SPINK5: variants seen among roughly 807,000 people sequenced by gnomAD.
SPINK5 encodes serine protease inhibitor Kazal-type 5.
SPINK5 carries 125 observed loss-of-function variants against 151.8 expected under a neutral mutation model. The ratio of observed to expected loss-of-function variants is 0.82; its 90% CI spans 0.71 to 0.96. The LOEUF (loss-of-function observed/expected upper bound fraction) is 0.96, where lower values mean the gene tolerates loss of function less well. SPINK5 is among the 40% of genes least tolerant of loss of function. The pLI is 0.00. For missense variants in SPINK5, 1,194 were observed against 1,291.9 expected (o/e 0.92, Z 1.16); for synonymous variants, 374 against 395.3 (o/e 0.95, Z 0.64).
intron 5 of SPINK5, among the ~76,000 whole-genome samples, chr5:148,087,036 C>G (rs1382702739): frequency 6.6e-6 from 1 of 151,328 alleles, no homozygotes; most frequent in Non-Finnish European, 1.5e-5. Context: ...TATCCATCAT[C>G]TATTATCTAT....
At chr5:148,096,923 T>G (rs1753484749) in intron 10 of SPINK5, among the ~76,000 whole-genome samples, 1 of 151,670 alleles carries the variant, frequency 6.6e-6, no homozygotes, top group South Asian at 2.1e-4. Context: ...TACACATAGC[T>G]TAAGCCTCAT....
rs71001472 is a variant in SPINK5, at chr5:148,077,637, G to GTATATATATATATATATATATA, written c.282+5419_282+5440dup. On this transcript the variant is annotated intron_variant, in intron 4 of 32. Coordinates refer to ENST00000256084, the MANE Select transcript of SPINK5 (RefSeq NM_006846.4). ...AACAATTATAATGCTGTTTTATCAG[G>GTATATATATATATATATATATA]TATATATATATATATATATATATGA... Among the ~76,000 whole-genome samples the GTATATATATATATATATATATA allele has an allele frequency of 3.4e-3, 463 of 134,838 alleles. 5 individuals are homozygous for GTATATATATATATATATATATA. Among genetic ancestry groups the GTATATATATATATATATATATA allele is most frequent in the African/African-American group, 0.012 (415 of 34,240 alleles). 88.5% of individuals were successfully genotyped at this position (134,838 alleles called of 152,430 possible).
chr5:148,087,977 T>A (rs1186058077), intron 5 of SPINK5, among the ~76,000 whole-genome samples: 2 of 151,888 alleles, frequency 1.3e-5, no homozygotes, highest in African/African-American at 4.8e-5. Flanking sequence ...ACAGATGTTA[T>A]CATTGTAATC....
intron 18 of SPINK5, among the ~76,000 whole-genome samples, chr5:148,109,976 G>C (rs1050844598): frequency 4.6e-5 from 7 of 152,068 alleles, no homozygotes; most frequent in African/African-American, 1.7e-4. Context: ...TTTGGTTTCT[G>C]GGACATCCCA....
chr5:148,099,305 C>T lies in SPINK5; in HGVS notation c.1082C>T (p.Thr361Ile), dbSNP rs1193041573. ...ARNKRESGKA[T>I]SYAELCSEYR... ...AACAAAAGAGAATCTGGAAAAGCAA[C>T]CTCATATGCAGTGAGTGGAATCCAT... Residue 361 changes from threonine to isoleucine, a missense_variant, in exon 12 of 33, where the codon ACC (threonine) becomes ATC (isoleucine). Physicochemically the swap from Thr to Ile is moderately conservative, Grantham distance 89 (BLOSUM62 -1). Transcript: ENST00000256084. 13 of 1,612,052 alleles carry T rather than the reference C, an allele frequency of 8.1e-6. No homozygotes were observed. The highest frequency in any genetic ancestry group is 1.0e-5 in the Non-Finnish European group (12 of 1,178,920).
rs41291431 is a variant in SPINK5 at position 148,107,211 on chromosome 5, C to A, written c.1607+47C>A. ...CCCACTGAATTTCTTCATCCATGAT[C>A]GCCCCTGAGTCTCAGATCCTTCATG... On this transcript the variant is annotated intron_variant, in intron 17 of 32. Transcript: ENST00000256084. The A allele has an allele frequency of 5.6e-6, 9 of 1,600,838 alleles. No homozygotes were observed. In the Admixed American group the frequency reaches 1.0e-4, roughly 18 times the overall value.
rs764824856 is a variant in SPINK5 at position 148,119,075 on chromosome 5, G to C, written c.2313+17G>C. 3.1e-6 allele frequency: 5 copies of C among 1,612,860 alleles called. No individual in the cohort carries two copies. Among genetic ancestry groups the C allele is most frequent in the Admixed American group, 1.7e-5 (1 of 59,990 alleles). On this transcript the variant is annotated intron_variant, in intron 24 of 32. Transcript: ENST00000256084. ...TCAGGGAAGGTGAGTTATTTTTTGG[G>C]TTTTGGCAAGAATCGTCTTTCTGTG...
intron 4 of SPINK5, among the ~76,000 whole-genome samples, chr5:148,083,710 T>C (rs77384289): frequency 0.034 from 5,128 of 151,726 alleles, 148 homozygotes; most frequent in East Asian, 0.13. Context: ...ATTGCTTTTC[T>C]CTTTTATTCT....
At chr5:148,078,593 C>T (rs1752943162) in intron 4 of SPINK5, among the ~76,000 whole-genome samples, 1 of 149,820 alleles carries the variant, frequency 6.7e-6, no homozygotes, top group African/African-American at 2.4e-5. Context: ...TTTTTTTTAA[C>T]CACAACAGAG....
intron 4 of SPINK5, among the ~76,000 whole-genome samples, chr5:148,083,969 A>G (rs948707359): frequency 6.6e-6 from 1 of 151,680 alleles, no homozygotes; most frequent in African/African-American, 2.4e-5. Flanking sequence ...TCATTTGAAT[A>G]TTTTCCATAT....
rs368173332 is a variant in SPINK5 at position 148,123,911 on chromosome 5, C to T, written c.2617C>T (p.Pro873Ser). ...CAGAGAAAATAACCCTGTTCGAGGC[C>T]CATATGGCAAGATGCACATCAATAA... The part of the protein sequence containing the change: ...CTRENNPVRG[P>S]YGKMHINKCA... The change falls in exon 27 of 33, where the codon CCA becomes TCA. Residue 873 changes from proline (P) to serine (S), a missense_variant. Pro to Ser is a moderately conservative substitution (Grantham distance 74, BLOSUM62 -1). Transcript: ENST00000256084. 6.2e-7 allele frequency: 1 copy of T among 1,613,690 alleles called. No individual in the cohort carries two copies. The highest frequency in any genetic ancestry group is 8.5e-7 in the Non-Finnish European group (1 of 1,179,962).
In SPINK5 at chr5:148,105,625, G is replaced by GTT. The variant is rs200175062; in HGVS notation, c.1479+632_1479+633dup. Among the ~76,000 whole-genome samples, 4 of 139,602 alleles carry GTT rather than the reference G, an allele frequency of 2.9e-5. No homozygotes were observed. The South Asian group carries it at 6.3e-4, about 22-fold the overall frequency. 91.6% of individuals were successfully genotyped at this position (139,602 alleles called of 152,430 possible). On this transcript the variant is annotated intron_variant, in intron 16 of 32. Coordinates refer to ENST00000256084, the MANE Select transcript of SPINK5 (RefSeq NM_006846.4). ...GATTTATCTTTCTTTCTTTTTTTCTGTTTTTTTTGAGATGGAGTCTCGCTC... is the reference window on the plus strand; with the variant it reads ...GATTTATCTTTCTTTCTTTTTTTCTGTTTTTTTTTTGAGATGGAGTCTCGCTC...
chr5:148,095,341 C>G (rs1049293687), intron 9 of SPINK5, among the ~76,000 whole-genome samples: 25 of 151,858 alleles, frequency 1.6e-4, no homozygotes, highest in Admixed American at 1.6e-3. Context: ...CCAACACTTG[C>G]CCAAAAAACC....
intron 19 of SPINK5, among the ~76,000 whole-genome samples, chr5:148,112,441 G>A (rs1021530870): frequency 7.9e-5 from 12 of 152,008 alleles, no homozygotes; most frequent in African/African-American, 1.9e-4. Flanking sequence ...TTGGGAGGCC[G>A]AGGCGGGCAG....
At chr5:148,108,255 C>T (rs1464839147) in intron 17 of SPINK5, among the ~76,000 whole-genome samples, 1 of 152,172 alleles carries the variant, frequency 6.6e-6, no homozygotes, top group Non-Finnish European at 1.5e-5. Flanking sequence ...TAAATCACTA[C>T]TGCAATCTAA....
At chr5:148,088,414 A>T in intron 5 of SPINK5, 128 bp from the exon 6 acceptor site, 2 of 777,192 alleles carry the variant, frequency 2.6e-6, no homozygotes, top group Non-Finnish European at 4.4e-6. Flanking sequence ...AAAAGTAATA[A>T]AATAATACTA....
intron 4 of SPINK5, among the ~76,000 whole-genome samples, chr5:148,075,342 C>T (rs982555437): frequency 1.3e-5 from 2 of 150,992 alleles, no homozygotes; most frequent in Non-Finnish European, 3.0e-5. Flanking sequence ...ATTTTTTAGT[C>T]TATTAATATA....
rs1194765548 is a variant in SPINK5, at chr5:148,118,597, T to C, written c.2240+33T>C. The C allele has an allele frequency of 1.9e-6, 3 of 1,612,678 alleles. No individual in the cohort carries two copies. The Admixed American group carries it at 5.0e-5, about 27-fold the overall frequency. On this transcript the variant is annotated intron_variant, in intron 23 of 32. Transcript: ENST00000256084. Reference sequence around the variant, plus strand: ...TTTCTCTCAACAGGCATGTCTAAAATATAGTCACATTCCTCTTGAATGAAT... The same window carrying C: ...TTTCTCTCAACAGGCATGTCTAAAACATAGTCACATTCCTCTTGAATGAAT...
chr5:148,097,829 C>G (rs1432093969), intron 10 of SPINK5, 38 bp from the exon 11 acceptor site: 2 of 1,571,044 alleles, frequency 1.3e-6, no homozygotes, highest in South Asian at 1.1e-5. Context: ...ACATAGAAAA[C>G]AGAACTATAT....
Sources: gnomAD v4.1 joint callset for allele counts (sites outside exome capture counted in the v4.1 genomes callset) on GRCh38, gnomAD v4.1.1 for gene constraint, MANE v1.5 for transcripts, NCBI Gene and HGNC (gene_info 2026-07-23, HGNC 2026-07-21) for gene names.